IL23R: variants seen among roughly 807,000 people sequenced by gnomAD.
The protein encoded by IL23R is interleukin-23 receptor.
In IL23R, 34 loss-of-function variants were observed where a neutral mutation model predicts 56.9. That is an observed-to-expected ratio of 0.60 (90% CI 0.45 to 0.80). IL23R has a LOEUF of 0.80. IL23R is among the 30% of genes least tolerant of loss of function. The pLI, the probability that IL23R is intolerant of heterozygous loss-of-function variation, is 0.00. For missense variants in IL23R, 635 were observed against 730.0 expected (o/e 0.87, Z 1.50); for synonymous variants, 230 against 249.2 (o/e 0.92, Z 0.73).
intron 5 of IL23R, among the ~76,000 whole-genome samples, chr1:67,203,537 C>G (rs181474815): frequency 6.6e-6 from 1 of 152,190 alleles, no homozygotes; most frequent in East Asian, 1.9e-4. Flanking sequence ...CCTTTTGTCT[C>G]TATTCCTTTC....
Position 67,259,254 on chromosome 1 carries a change from A to T in IL23R, c.*126A>T. On this transcript the variant is annotated 3_prime_UTR_variant, in exon 11 of 11. Transcript: ENST00000347310. Reference sequence around the variant, plus strand: ...TATTCACATACAAATCTTCACATGGACACATGTTTTCATTTCCCTTGGATA... The same window carrying T: ...TATTCACATACAAATCTTCACATGGTCACATGTTTTCATTTCCCTTGGATA... 2.2e-6 allele frequency: 2 copies of T among 907,338 alleles called. No homozygotes were observed. The highest frequency in any genetic ancestry group is 3.5e-6 in the Non-Finnish European group (2 of 569,612). The allele number at this position is 907,338 out of a possible 1,614,324, so 56.2% of individuals were successfully genotyped here. A position where few individuals can be genotyped will look rare whatever the true frequency, so the allele number is the denominator to read the frequency against.
At chr1:67,162,323 GCATGGTGGCACATGTGGCAC>G (rs552195764), upstream of IL23R, among the ~76,000 whole-genome samples, 262 of 152,038 alleles carry the variant, frequency 1.7e-3, 1 homozygote, top group Admixed American at 0.012. Flanking sequence ...AATTAGCTGG[GCATGGTGGCACATGTGGCAC>G]CATGGTGGCA....
chr1:67,255,771 C>A, intron 9 of IL23R, 66 bp from the exon 10 acceptor site: 1 of 829,810 alleles, frequency 1.2e-6, no homozygotes, highest in Non-Finnish European at 2.1e-6. Flanking sequence ...ACATTTTATT[C>A]TAGTTGACTT....
At chr1:67,252,049 T>C (rs1206167949) in intron 9 of IL23R, among the ~76,000 whole-genome samples, 1 of 152,172 alleles carries the variant, frequency 6.6e-6, no homozygotes, top group Non-Finnish European at 1.5e-5. Flanking sequence ...TGTGTTGTTG[T>C]TCATTTGGAA....
intron 4 of IL23R, among the ~76,000 whole-genome samples, chr1:67,192,139 G>C (rs1279243888): frequency 6.6e-6 from 1 of 152,162 alleles, no homozygotes; most frequent in African/African-American, 2.4e-5. Flanking sequence ...GAGCTATTTA[G>C]GAACAGAGTT....
intron 1 of IL23R, among the ~76,000 whole-genome samples, chr1:67,153,773 CTT>C (rs34129656): frequency 6.7e-6 from 1 of 149,482 alleles, no homozygotes; most frequent in African/African-American, 2.5e-5. Flanking sequence ...AGTTTCTTTT[CTT>C]TTTTTTTTGA....
intron 8 of IL23R, among the ~76,000 whole-genome samples, chr1:67,239,556 T>G (rs1651721137): frequency 6.6e-6 from 1 of 152,226 alleles, no homozygotes; most frequent in Non-Finnish European, 1.5e-5. Flanking sequence ...TGAGTCACTG[T>G]GCCCAGCCAG....
chr1:67,262,311 G>T (rs934917104), downstream of IL23R, among the ~76,000 whole-genome samples: 1 of 152,088 alleles, frequency 6.6e-6, no homozygotes, highest in African/African-American at 2.4e-5. Flanking sequence ...ATTTTAGTAG[G>T]GGAAGAGGCC....
the IL23R span, among the ~76,000 whole-genome samples, chr1:67,265,126 C>A: frequency 6.6e-6 from 1 of 152,162 alleles, no homozygotes; most frequent in Non-Finnish European, 1.5e-5. Context: ...GTGTGAGGTA[C>A]GGAAGTCAAT....
chr1:67,219,868 C>A, intron 7 of IL23R, 138 bp downstream of exon 7: 1 of 787,582 alleles, frequency 1.3e-6, no homozygotes, highest in Non-Finnish European at 2.2e-6. Flanking sequence ...GAGTTTGAGA[C>A]TGGCCTGGGC....
At chr1:67,156,519 G>A (rs1646771321) in intron 1 of IL23R, among the ~76,000 whole-genome samples, 1 of 152,162 alleles carries the variant, frequency 6.6e-6, no homozygotes, top group Admixed American at 6.5e-5. Flanking sequence ...GCCCAGTGAG[G>A]AGGAATCTAG....
At position 67,259,778 on chromosome 1, in the gene IL23R, A is replaced by G. The variant is rs1653137798; in HGVS notation, c.*650A>G. ...CAGGAGTTCGAGTCCAGCCTGGCCAATATGCTGAAACCCTGTCTCTACTAA... is the reference window on the plus strand; with the variant it reads ...CAGGAGTTCGAGTCCAGCCTGGCCAGTATGCTGAAACCCTGTCTCTACTAA... On this transcript the variant is annotated 3_prime_UTR_variant, in exon 11 of 11. Coordinates refer to ENST00000347310, the MANE Select transcript of IL23R (RefSeq NM_144701.3). The G allele has an allele frequency of 6.6e-6, 1 of 152,502 alleles. No homozygotes were observed. The highest frequency in any genetic ancestry group is 6.5e-5 in the Admixed American group (1 of 15,306). 9.4% of individuals were successfully genotyped at this position (152,502 alleles called of 1,614,324 possible).
At chr1:67,247,467 GC>G (rs1652309054) in intron 9 of IL23R, among the ~76,000 whole-genome samples, 1 of 152,016 alleles carries the variant, frequency 6.6e-6, no homozygotes, top group Non-Finnish European at 1.5e-5. Context: ...ACCATGCCTG[GC>G]TAATTTTGTA....
chr1:67,205,937 C>CTTTTTCTTTCTTTT (rs1558243041), intron 5 of IL23R, among the ~76,000 whole-genome samples: 10 of 122,906 alleles, frequency 8.1e-5, no homozygotes, highest in African/African-American at 2.5e-4. Flanking sequence ...TTCTTTCTTT[C>CTTTTTCTTTCTTTT]TTTCTCTTTT....
upstream of IL23R, among the ~76,000 whole-genome samples, chr1:67,162,578 A>G (rs1227039198): frequency 6.6e-6 from 1 of 152,248 alleles, no homozygotes; most frequent in Non-Finnish European, 1.5e-5. Context: ...ATATCCCTGA[A>G]TTGGCTAAAA....
chr1:67,148,900 T>C (rs1185906234), intron 1 of IL23R, among the ~76,000 whole-genome samples: 1 of 152,164 alleles, frequency 6.6e-6, no homozygotes, highest in Non-Finnish European at 1.5e-5. Flanking sequence ...GAGTGAGATC[T>C]GGGTTCCTAA....
chr1:67,170,552 T>A (rs1330629524), intron 3 of IL23R, among the ~76,000 whole-genome samples: 1 of 152,206 alleles, frequency 6.6e-6, no homozygotes, highest in Non-Finnish European at 1.5e-5. Flanking sequence ...TATAGTGATA[T>A]GGGCTGGCTC....
chr1:67,255,821 C>G lies in IL23R; in HGVS notation c.1149-16C>G, dbSNP rs1456953275. On this transcript the variant is annotated splice_polypyrimidine_tract_variant and intron_variant, in intron 9 of 10. Coordinates refer to ENST00000347310, the MANE Select transcript of IL23R (RefSeq NM_144701.3). Reference sequence around the variant, plus strand: ...TGATTGCCTGCTTCTTCTAACGTGTCATTTTTGTTTTTTAGGATTAAAAGA... The same window carrying G: ...TGATTGCCTGCTTCTTCTAACGTGTGATTTTTGTTTTTTAGGATTAAAAGA... 1 of 1,264,296 alleles carries G rather than the reference C, an allele frequency of 7.9e-7. No individual in the cohort carries two copies. The highest frequency in any genetic ancestry group is 1.7e-5 in the Admixed American group (1 of 59,422). 78.3% of individuals were successfully genotyped at this position (1,264,296 alleles called of 1,614,324 possible). A position where few individuals can be genotyped will look rare whatever the true frequency, so the allele number is the denominator to read the frequency against.
At chr1:67,161,703 C>G, upstream of IL23R, among the ~76,000 whole-genome samples, 1 of 152,046 alleles carries the variant, frequency 6.6e-6, no homozygotes, top group East Asian at 1.9e-4. Flanking sequence ...TCTCGGCTCA[C>G]TGCAAACTCC....
Sources: gnomAD v4.1 joint callset for allele counts (sites outside exome capture counted in the v4.1 genomes callset) on GRCh38, gnomAD v4.1.1 for gene constraint, MANE v1.5 for transcripts, NCBI Gene and HGNC (gene_info 2026-07-23, HGNC 2026-07-21) for gene names.